The following PAX6 variants were observed in gnomAD, a reference collection of about 807,000 sequenced individuals.
PAX6 encodes paired box 6.
PAX6 carries 7 observed loss-of-function variants against 60.7 expected under a neutral mutation model. That is an observed-to-expected ratio of 0.12 (90% confidence interval 0.07 to 0.22). The LOEUF is 0.22. Among genes scored for constraint, PAX6 ranks in the 10% least tolerant of loss-of-function variants. PAX6 has a pLI of 1.00. For synonymous variants in PAX6, 208 were observed against 201.2 expected, an observed-to-expected ratio of 1.03 and a Z score of -0.29; for missense variants, 355 against 555.2, an observed-to-expected ratio of 0.64 and a Z score of 3.62.
At chr11:31,813,442 A>C (rs1373158347), upstream of PAX6, among the ~76,000 whole-genome samples, 16 of 149,894 alleles carry the variant, frequency 1.1e-4, no homozygotes, top group African/African-American at 3.7e-4. Flanking sequence ...CATTTTTACA[A>C]CCTCTCAATT....
In PAX6 at chr11:31,800,746, C is replaced by T. The variant is rs1554985028; in HGVS notation, c.510G>A (p.Trp170Ter). 1 of 1,614,196 alleles carries T rather than the reference C, an allele frequency of 6.2e-7. No homozygotes were observed. Among genetic ancestry groups the T allele is most frequent in the African/African-American group, 1.3e-5 (1 of 75,036 alleles). Residue 170 changes from tryptophan to a stop codon, truncating the protein, a stop_gained, in exon 8 of 14, where the codon TGG becomes TGA. Transcript: ENST00000640368. LOFTEE classifies it high-confidence loss of function. ...LRMLNGQTGS[W>*]GTRPGWYPGT... ...CCGGATACCAACCAGGGCGGGTGCCCCAGCTTCCGGTCTGCCCGTTCAACA... is the reference window on the plus strand; with the variant it reads ...CCGGATACCAACCAGGGCGGGTGCCTCAGCTTCCGGTCTGCCCGTTCAACA...
intron 1 of PAX6, chr11:31,817,688 A>T (rs1565288599): frequency 6.6e-6 from 1 of 152,196 alleles, no homozygotes; most frequent in Non-Finnish European, 1.5e-5. Flanking sequence ...CCTCCTTTTA[A>T]AAGCAAAAAT....
intron 1 of PAX6, chr11:31,816,511 G>A: frequency 1.4e-6 from 1 of 702,426 alleles, no homozygotes; most frequent in Non-Finnish European, 2.6e-6. Flanking sequence ...AATGAGGGAG[G>A]AGGCCCGAGG....
At chr11:31,814,838 G>C (rs1452879337), upstream of PAX6, 1 of 152,480 alleles carries the variant, frequency 6.6e-6, no homozygotes, top group Non-Finnish European at 1.5e-5. Flanking sequence ...TCCCAGAGCC[G>C]CCCCGTGGCA....
rs1157101038 is a variant in PAX6 at position 31,806,470 on chromosome 11, C to A, written c.-51-8G>T. The A allele has an allele frequency of 3.1e-6, 5 of 1,588,418 alleles. No individual in the cohort carries two copies. The highest frequency in any genetic ancestry group is 2.7e-5 in the African/African-American group (2 of 74,316). The stretch of plus-strand genomic sequence containing the variant: ...GGGCTCGAATATGGGGCTCTGTTAG[C>A]AAGAAAATAGGAGTTAATCCTCGGG... On this transcript the variant is annotated splice_region_variant and splice_polypyrimidine_tract_variant and intron_variant, in intron 3 of 13. Coordinates refer to ENST00000640368, the MANE Select transcript of PAX6 (RefSeq NM_001368894.2).
chr11:31,790,881 C>G (rs542458503), intron 12 of PAX6, 21 bp from the exon 13 acceptor site: 1 of 1,612,438 alleles, frequency 6.2e-7, no homozygotes, highest in Admixed American at 1.7e-5. Context: ...AGAGGCAAAC[C>G]TGTGGTTACT....
chr11:31,797,786 A>G (rs1336062437), intron 8 of PAX6, among the ~76,000 whole-genome samples: 1 of 152,186 alleles, frequency 6.6e-6, no homozygotes. Context: ...CCCCACCCCC[A>G]CGATAAACCT....
At chr11:31,790,109 A>AAAAC in intron 13 of PAX6, 90 bp from the exon 14 acceptor site, 2 of 797,260 alleles carry the variant, frequency 2.5e-6, no homozygotes, top group African/African-American at 3.6e-5. Flanking sequence ...AAAAAAAAAA[A>AAAAC]AAAAAAAAAA....
chr11:31,816,364 C>T (rs1367732646), intron 1 of PAX6: 2 of 580,940 alleles, frequency 3.4e-6, no homozygotes, highest in African/African-American at 1.9e-5. Flanking sequence ...TCACGAAGGG[C>T]ACGGGCATGA....
Position 31,793,958 on chromosome 11 carries a change from T to G in PAX6, c.807+74A>C, listed in dbSNP as rs571200332. On this transcript the variant is annotated intron_variant, in intron 10 of 13. Coordinates refer to ENST00000640368, the MANE Select transcript of PAX6 (RefSeq NM_001368894.2). ...AGTCCTATAAATAAATAGTACTCTG[T>G]ACAAGCACCTCTGTCTCTAGGAAAG... 2.1e-5 allele frequency: 27 copies of G among 1,259,318 alleles called. No homozygotes were observed. In the South Asian group the frequency reaches 3.1e-4, roughly 14 times the overall value. 78.0% of individuals were successfully genotyped at this position (1,259,318 alleles called of 1,614,324 possible).
intron 2 of PAX6, chr11:31,808,495 T>A (rs1431165039): frequency 6.6e-6 from 1 of 152,222 alleles, no homozygotes; most frequent in African/African-American, 2.4e-5. Context: ...TGCAGGACCC[T>A]GAAGCTGCAA....
At chr11:31,809,408 A>G (rs376880154) in intron 2 of PAX6, 4 of 152,308 alleles carry the variant, frequency 2.6e-5, no homozygotes, top group African/African-American at 9.6e-5. Flanking sequence ...GGAGCTTGGG[A>G]GAGTATAAGA....
chr11:31,800,504 C>T, intron 8 of PAX6, 187 bp downstream of exon 8: 1 of 782,992 alleles, frequency 1.3e-6, no homozygotes, highest in East Asian at 2.5e-5. Context: ...CATTCCCAGG[C>T]CAACAAAATG....
intron 2 of PAX6, 90 bp downstream of exon 2, chr11:31,810,738 G>A (rs901743940): frequency 1.2e-4 from 49 of 398,090 alleles, no homozygotes; most frequent in African/African-American, 9.8e-4. Context: ...GAGGGGACCG[G>A]CGAGAGGGGA....
At chr11:31,792,687 A>T (rs1021075513) in intron 12 of PAX6, 1 of 158,476 alleles carries the variant, frequency 6.3e-6, no homozygotes, top group Non-Finnish European at 1.4e-5. Flanking sequence ...AACTTACATC[A>T]TAAAGGGTGA....
chr11:31,804,813 A>C (rs1395053005), intron 4 of PAX6: 1 of 151,950 alleles, frequency 6.6e-6, no homozygotes, highest in Non-Finnish European at 1.5e-5. Context: ...CTAAATCTAG[A>C]CCTCCCTCCT....
upstream of PAX6, among the ~76,000 whole-genome samples, chr11:31,815,385 G>T (rs1565286514): frequency 6.6e-6 from 1 of 152,172 alleles, no homozygotes; most frequent in Non-Finnish European, 1.5e-5. Flanking sequence ...GGCCACCTCA[G>T]TCCCTTCTCC....
chr11:31,812,296 C>CTG (rs1347167499), upstream of PAX6: 82 of 109,982 alleles, frequency 7.5e-4, no homozygotes, highest in African/African-American at 3.4e-3. Context: ...GATTCTCTCT[C>CTG]TCTCTCTGTG....
At chr11:31,801,375 C>G in intron 7 of PAX6, 186 bp downstream of exon 7, 1 of 1,491,166 alleles carries the variant, frequency 6.7e-7, no homozygotes. Context: ...CACTTGACTC[C>G]CATTTTCCAG....
Sources: allele counts gnomAD v4.1 joint callset (sites outside exome capture counted in the v4.1 genomes callset), GRCh38; gene constraint gnomAD v4.1.1; transcripts MANE v1.5; gene names NCBI Gene and HGNC (gene_info 2026-07-23, HGNC 2026-07-21).